The following SLC41A3 variants were observed in gnomAD, a reference collection of about 807,000 sequenced individuals.
SLC41A3 encodes SLC41A1-like 2.
A neutral mutation model predicts 45.4 loss-of-function variants in SLC41A3; 44 were observed. The ratio of observed to expected loss-of-function variants is 0.97; its 90% confidence interval spans 0.76 to 1.25. The LOEUF (loss-of-function observed/expected upper bound fraction) is 1.25, where lower values mean the gene tolerates loss of function less well. Among genes scored for constraint, SLC41A3 ranks in the 50% most tolerant of loss-of-function variants. The pLI is 0.00. For missense variants in SLC41A3, 550 were observed against 600.6 expected (o/e 0.92, Z 0.88); for synonymous variants, 256 against 252.4 (o/e 1.01, Z -0.13).
At chr3:126,059,307 A>AAAGGAAGG (rs1330224854) in intron 2 of SLC41A3, among the ~76,000 whole-genome samples, 993 of 59,430 alleles carry the variant, frequency 0.017, 33 homozygotes, top group Middle Eastern at 0.05. Context: ...AGAAAGAAAG[A>AAAGGAAGG]AAGGAAGGAT....
At chr3:126,083,204 G>C (rs193053599) in intron 1 of SLC41A3, among the ~76,000 whole-genome samples, 61 of 152,298 alleles carry the variant, frequency 4.0e-4, no homozygotes, top group Non-Finnish European at 4.4e-5. Flanking sequence ...CTAAAGACAA[G>C]TATGGGGACC....
intron 6 of SLC41A3, 74 bp downstream of exon 6, chr3:126,022,712 A>T: frequency 5.7e-6 from 9 of 1,572,728 alleles, no homozygotes; most frequent in Non-Finnish European, 7.8e-6. Context: ...GTACCCACTC[A>T]GCCTCAGTGG....
intron 2 of SLC41A3, among the ~76,000 whole-genome samples, chr3:126,065,448 C>G (rs888831612): frequency 6.6e-6 from 1 of 152,230 alleles, no homozygotes; most frequent in African/African-American, 2.4e-5. Flanking sequence ...TTGCACTGAA[C>G]TGAACACTAA....
At chr3:126,042,930 C>T (rs1309851519) in intron 3 of SLC41A3, among the ~76,000 whole-genome samples, 1 of 149,070 alleles carries the variant, frequency 6.7e-6, no homozygotes, top group Non-Finnish European at 1.5e-5. Flanking sequence ...GTAATACATA[C>T]AATTTGGAAT....
chr3:126,008,367 TGTG>T (rs1192777253), intron 10 of SLC41A3, among the ~76,000 whole-genome samples: 1 of 151,918 alleles, frequency 6.6e-6, no homozygotes, highest in Non-Finnish European at 1.5e-5. Context: ...CACTGTGTGG[TGTG>T]GAGTGTGTGG....
intron 1 of SLC41A3, among the ~76,000 whole-genome samples, chr3:126,072,091 G>A (rs910066203): frequency 1.3e-5 from 2 of 152,026 alleles, no homozygotes; most frequent in African/African-American, 4.8e-5. Flanking sequence ...TCTTAAATAA[G>A]TAATGGGTCA....
At chr3:126,096,461 G>A (rs1020258142) in intron 1 of SLC41A3, among the ~76,000 whole-genome samples, 1 of 152,180 alleles carries the variant, frequency 6.6e-6, no homozygotes, top group East Asian at 1.9e-4. Context: ...GCACTGTGAT[G>A]TGTTCATGAT....
intron 1 of SLC41A3, among the ~76,000 whole-genome samples, chr3:126,077,326 G>A (rs1435553869): frequency 6.6e-6 from 1 of 152,168 alleles, no homozygotes; most frequent in Non-Finnish European, 1.5e-5. Flanking sequence ...GCTGCAGTGA[G>A]CTGAAATCGC....
At chr3:126,093,539 A>G (rs1046080813) in intron 1 of SLC41A3, among the ~76,000 whole-genome samples, 1 of 152,262 alleles carries the variant, frequency 6.6e-6, no homozygotes, top group African/African-American at 2.4e-5. Context: ...AAAGGTCCCA[A>G]CAGGAGTCTG....
intron 2 of SLC41A3, chr3:126,056,562 A>G (rs1476472524): frequency 3.7e-6 from 6 of 1,611,680 alleles, no homozygotes; most frequent in Non-Finnish European, 5.1e-6. Flanking sequence ...TGGCCAGGCA[A>G]TGCACCACGA....
intron 8 of SLC41A3, among the ~76,000 whole-genome samples, chr3:126,013,915 A>G (rs1441882346): frequency 1.3e-5 from 2 of 152,196 alleles, no homozygotes; most frequent in Admixed American, 6.5e-5. Context: ...GAAAACCATG[A>G]GCACATGCGG....
rs1221797915 is a variant in SLC41A3, at chr3:126,056,796, G to A, written c.274-5746C>T. On this transcript the variant is annotated intron_variant, in intron 2 of 10. Transcript: ENST00000360370. ...GGCCTCATTACAGAGACTCTGCCAG[G>A]CCCTGCTGTCCCTCCCTGAAGGTCA... The A allele has an allele frequency of 3.0e-6, 4 of 1,326,986 alleles. No individual in the cohort carries two copies. The Admixed American group carries it at 1.3e-4, about 42-fold the overall frequency. The allele number at this position is 1,326,986 out of a possible 1,614,324, so 82.2% of individuals were successfully genotyped here. A position where few individuals can be genotyped will look rare whatever the true frequency, so the allele number is the denominator to read the frequency against.
intron 2 of SLC41A3, chr3:126,058,302 T>A (rs1418991756): frequency 6.6e-6 from 1 of 152,274 alleles, no homozygotes; most frequent in Non-Finnish European, 1.5e-5. Flanking sequence ...TCATCCGTGA[T>A]CTCGCTATTT....
chr3:126,098,331 C>T (rs1039669780), intron 1 of SLC41A3, among the ~76,000 whole-genome samples: 3 of 152,166 alleles, frequency 2.0e-5, no homozygotes, highest in Non-Finnish European at 2.9e-5. Context: ...AGAAGGTTAC[C>T]ATCTGCAAGA....
intron 2 of SLC41A3, among the ~76,000 whole-genome samples, chr3:126,054,690 T>C (rs1047974089): frequency 1.4e-4 from 22 of 151,998 alleles, no homozygotes; most frequent in Admixed American, 1.4e-3. Flanking sequence ...ATTGTCCTGC[T>C]CCTCTGCAGA....
intron 4 of SLC41A3, among the ~76,000 whole-genome samples, chr3:126,027,528 A>G (rs531424813): frequency 1.3e-5 from 2 of 152,340 alleles, no homozygotes; most frequent in South Asian, 4.1e-4. Flanking sequence ...CCAGTCTCAG[A>G]TATTTCTTTA....
chr3:126,056,932 G>A (rs1943708383), intron 2 of SLC41A3: 2 of 1,091,702 alleles, frequency 1.8e-6, no homozygotes, highest in Non-Finnish European at 2.2e-6. Context: ...CAGCCCAGCA[G>A]GCTGGTCCAT....
chr3:126,012,028 C>T (rs1939766581), intron 9 of SLC41A3, among the ~76,000 whole-genome samples: 2 of 152,252 alleles, frequency 1.3e-5, no homozygotes, highest in African/African-American at 4.8e-5. Flanking sequence ...GGATCACCTC[C>T]TTCCGGCCTC....
At chr3:126,019,120 C>G (rs573705976) in intron 6 of SLC41A3, among the ~76,000 whole-genome samples, 57 of 152,304 alleles carry the variant, frequency 3.7e-4, no homozygotes, top group African/African-American at 1.4e-3. Context: ...TGAGGGCCTT[C>G]TTTGCTGGTG....
Sources: allele counts gnomAD v4.1 joint callset (sites outside exome capture counted in the v4.1 genomes callset), GRCh38; gene constraint gnomAD v4.1.1; transcripts MANE v1.5; gene names NCBI Gene and HGNC (gene_info 2026-07-23, HGNC 2026-07-21).